The following ROBO1 variants were observed in gnomAD, a reference collection of about 807,000 sequenced individuals.
ROBO1 encodes the protein roundabout homolog 1.
A neutral mutation model predicts 195.9 loss-of-function variants in ROBO1; 149 were observed. That is an observed-to-expected ratio of 0.76 (90% confidence interval 0.67 to 0.87). The LOEUF (loss-of-function observed/expected upper bound fraction) is 0.87. Among genes scored for constraint, ROBO1 ranks in the 40% least tolerant of loss-of-function variants. The probability of loss-of-function intolerance (pLI) is 0.00; values close to 1 mark genes in which losing one functional copy is unlikely to be tolerated. For synonymous variants in ROBO1, 816 were observed against 733.2 expected (o/e 1.11, Z -1.82); for missense variants, 1,933 against 2,068.3 (o/e 0.93, Z 1.27).
chr3:78,604,627 T>C (rs546354172), intron 29 of ROBO1, among the ~76,000 whole-genome samples: 8 of 152,330 alleles, frequency 5.3e-5, no homozygotes, highest in African/African-American at 1.9e-4. Flanking sequence ...TGCACAGCTT[T>C]ATTTATCACC....
At chr3:79,571,012 TA>T (rs1943260111) in intron 2 of ROBO1, among the ~76,000 whole-genome samples, 1 of 152,138 alleles carries the variant, frequency 6.6e-6, no homozygotes, top group Admixed American at 6.5e-5. Flanking sequence ...CTTGTTTTCA[TA>T]AACAGTTCCA....
intron 3 of ROBO1, among the ~76,000 whole-genome samples, chr3:78,962,817 C>T (rs1401082887): frequency 1.7e-5 from 2 of 118,738 alleles, no homozygotes; most frequent in South Asian, 5.7e-4. Flanking sequence ...GAGTGAGACT[C>T]CATCTCAAAA....
chr3:79,269,988 C>T (rs1351132343), intron 2 of ROBO1, among the ~76,000 whole-genome samples: 1 of 151,716 alleles, frequency 6.6e-6, no homozygotes, highest in Non-Finnish European at 1.5e-5. Context: ...AAATCACTTG[C>T]AGTAAAGATG....
intron 2 of ROBO1, among the ~76,000 whole-genome samples, chr3:79,134,109 C>A (rs1426394908): frequency 4.8e-5 from 7 of 145,488 alleles, no homozygotes; most frequent in Non-Finnish European, 7.5e-5. Context: ...CAACCTACAA[C>A]ATGGGAGAAA....
chr3:78,912,378 G>T (rs566755033), intron 4 of ROBO1, among the ~76,000 whole-genome samples: 107 of 152,156 alleles, frequency 7.0e-4, no homozygotes, highest in African/African-American at 2.5e-3. Context: ...AATACCAGCT[G>T]TCTCCACTCC....
intron 2 of ROBO1, among the ~76,000 whole-genome samples, chr3:79,167,185 T>C (rs1448681000): frequency 2.2e-5 from 3 of 134,196 alleles, no homozygotes; most frequent in Admixed American, 2.1e-4. Flanking sequence ...TGAAAATTAA[T>C]AGCACAAAAG....
At chr3:79,031,127 T>C (rs1274548780) in intron 3 of ROBO1, among the ~76,000 whole-genome samples, 1 of 152,236 alleles carries the variant, frequency 6.6e-6, no homozygotes, top group East Asian at 1.9e-4. Context: ...GACACTTAGC[T>C]AGATGTAAGC....
At chr3:79,161,565 T>C (rs1008662480) in intron 2 of ROBO1, among the ~76,000 whole-genome samples, 5 of 152,106 alleles carry the variant, frequency 3.3e-5, no homozygotes, top group Non-Finnish European at 5.9e-5. Flanking sequence ...AAAGTAAATA[T>C]AAGTTGTCTT....
At chr3:79,077,314 T>C (rs1486482913) in intron 3 of ROBO1, among the ~76,000 whole-genome samples, 2 of 151,822 alleles carry the variant, frequency 1.3e-5, no homozygotes, top group East Asian at 3.9e-4. Context: ...TGGAAAAAAA[T>C]TGTCAAAATA....
At chr3:78,982,056 C>A (rs914629408) in intron 3 of ROBO1, among the ~76,000 whole-genome samples, 1 of 152,160 alleles carries the variant, frequency 6.6e-6, no homozygotes, top group Non-Finnish European at 1.5e-5. Flanking sequence ...ACATTATCTG[C>A]ATAATTAGAC....
chr3:78,964,929 C>T (rs965016249), intron 3 of ROBO1, among the ~76,000 whole-genome samples: 1 of 151,498 alleles, frequency 6.6e-6, no homozygotes, highest in African/African-American at 2.4e-5. Context: ...AGTGATCCCC[C>T]CGTGCTGGGA....
At chr3:79,212,394 T>G (rs1559738941) in intron 2 of ROBO1, among the ~76,000 whole-genome samples, 1 of 152,238 alleles carries the variant, frequency 6.6e-6, no homozygotes, top group African/African-American at 2.4e-5. Flanking sequence ...GTTCTATGTA[T>G]GCATTTAATT....
In ROBO1 at chr3:79,463,374, C is replaced by CAA. The variant is rs971458946; in HGVS notation, c.88+126448_88+126449dup. 2.6e-3 allele frequency among the ~76,000 whole-genome samples: 323 copies of CAA among 122,218 alleles called. 2 individuals carry two copies. Among genetic ancestry groups the CAA allele is most frequent in the African/African-American group, 9.7e-3 (301 of 30,944 alleles). The allele number at this position is 122,218 out of a possible 152,430, so 80.2% of individuals were successfully genotyped here. On this transcript the variant is annotated intron_variant, in intron 2 of 30. Transcript: ENST00000464233. ...TGGGTGACAGAGCAAGATTACATCTCAAAAAAAAAACATAAAACAAAAAAC... is the reference window on the plus strand; with the variant it reads ...TGGGTGACAGAGCAAGATTACATCTCAAAAAAAAAAAACATAAAACAAAAAAC...
intron 3 of ROBO1, among the ~76,000 whole-genome samples, chr3:78,949,795 G>C (rs1050114275): frequency 2.0e-5 from 3 of 152,150 alleles, no homozygotes; most frequent in African/African-American, 7.2e-5. Flanking sequence ...AATCTACAAT[G>C]AACTCCAACA....
At chr3:79,150,989 C>T (rs2080757893) in intron 2 of ROBO1, among the ~76,000 whole-genome samples, 1 of 151,768 alleles carries the variant, frequency 6.6e-6, no homozygotes, top group Admixed American at 6.6e-5. Context: ...AGGGCAGGGC[C>T]AGGTGGAGAT....
chr3:79,730,555 A>G (rs1272523755), intron 1 of ROBO1, among the ~76,000 whole-genome samples: 1 of 152,132 alleles, frequency 6.6e-6, no homozygotes, highest in Non-Finnish European at 1.5e-5. Context: ...TTAACCCAAA[A>G]TGAATGGATT....
intron 1 of ROBO1, among the ~76,000 whole-genome samples, chr3:79,734,277 C>T (rs1229287742): frequency 6.6e-6 from 1 of 152,034 alleles, no homozygotes; most frequent in Non-Finnish European, 1.5e-5. Context: ...TTTCTTTTGG[C>T]TCCTTCATAG....
chr3:78,597,332 G>A lies in ROBO1; in HGVS notation c.*1581C>T, dbSNP rs1702877535. 1 of 152,470 alleles carries A rather than the reference G, an allele frequency of 6.6e-6. No homozygotes were observed. The highest frequency in any genetic ancestry group is 2.4e-5 in the African/African-American group (1 of 41,402). 9.4% of individuals were successfully genotyped at this position (152,470 alleles called of 1,614,324 possible). On this transcript the variant is annotated 3_prime_UTR_variant, in exon 31 of 31. Coordinates refer to ENST00000464233, the MANE Select transcript of ROBO1 (RefSeq NM_002941.4). ...GCAAAATTATGGCTAAAAATAAGGGGCTTCTTACATGAACATAATGAAAAC... is the reference window on the plus strand; with the variant it reads ...GCAAAATTATGGCTAAAAATAAGGGACTTCTTACATGAACATAATGAAAAC...
At chr3:79,072,020 G>GA (rs1293026829) in intron 3 of ROBO1, among the ~76,000 whole-genome samples, 1 of 151,788 alleles carries the variant, frequency 6.6e-6, no homozygotes, top group Admixed American at 6.6e-5. Context: ...TTACTCCAAA[G>GA]AAAGACATTT....
Sources: gnomAD v4.1 joint callset for allele counts (sites outside exome capture counted in the v4.1 genomes callset) on GRCh38, gnomAD v4.1.1 for gene constraint, MANE v1.5 for transcripts, NCBI Gene and HGNC (gene_info 2026-07-23, HGNC 2026-07-21) for gene names.